Variants in DPP3 observed in about 807,000 individuals in gnomAD.
DPP3 encodes dipeptidyl peptidase 3.
Under a neutral mutation model 89.8 loss-of-function variants are expected in DPP3, and 64 were observed. The observed-to-expected ratio is 0.71, with a 90% CI of 0.58 to 0.88. The LOEUF is 0.88. Among genes scored for constraint, DPP3 ranks in the 40% least tolerant of loss-of-function variants. DPP3 has a pLI of 0.00. For missense variants in DPP3, 835 were observed against 972.5 expected (o/e 0.86, Z 1.88); for synonymous variants, 377 against 404.3 (o/e 0.93, Z 0.81).
chr11:66,509,656 C>T lies in DPP3; in HGVS notation c.*405C>T. 2.1e-6 allele frequency: 1 copy of T among 468,984 alleles called. No homozygotes were observed. Among genetic ancestry groups the T allele is most frequent in the Admixed American group, 2.9e-5 (1 of 34,858 alleles). The allele number at this position is 468,984 out of a possible 1,614,324, so 29.1% of individuals were successfully genotyped here. A position where few individuals can be genotyped will look rare whatever the true frequency, so the allele number is the denominator to read the frequency against. The stretch of plus-strand genomic sequence containing the variant: ...ACAAATAAATATTAGAGACAACCAC[C>T]ATCTTTGCGGCGTGTGTGGCTCCTC... On this transcript the variant is annotated 3_prime_UTR_variant, in exon 18 of 18. Coordinates refer to ENST00000531863, the MANE Select transcript of DPP3 (RefSeq NM_130443.4).
At chr11:66,506,231 C>T (rs1007703365) in intron 17 of DPP3, among the ~76,000 whole-genome samples, 4 of 151,684 alleles carry the variant, frequency 2.6e-5, no homozygotes, top group East Asian at 3.9e-4. Flanking sequence ...GGATTACAGG[C>T]GTGAGCCACC....
At chr11:66,499,315 A>C (rs1438910569) in intron 16 of DPP3, among the ~76,000 whole-genome samples, 4 of 150,648 alleles carry the variant, frequency 2.7e-5, no homozygotes, top group African/African-American at 9.8e-5. Flanking sequence ...GTGAGCCGAG[A>C]TTGCGCCACT....
In DPP3 at chr11:66,495,743, G is replaced by A. The variant is rs1410691733; in HGVS notation, c.1691G>A (p.Trp564Ter). Residue 564 changes from tryptophan (W) to a stop codon, truncating the protein, a stop_gained, in exon 15 of 18, where the codon TGG becomes TAG. Coordinates refer to ENST00000531863, the MANE Select transcript of DPP3 (RefSeq NM_130443.4). LOFTEE classifies it high-confidence loss of function. ...TTCTACACACCTGAGGCCTTCAACT[G>A]GCGACAGGTAGGGCCTAGGTGGAGC... ...LEFYTPEAFNWRQAHMQARFV... is the reference protein window; with the variant it reads ...LEFYTPEAFN 1 of 1,607,938 alleles carries A rather than the reference G, an allele frequency of 6.2e-7. No individual in the cohort carries two copies. The highest frequency in any genetic ancestry group is 1.3e-5 in the African/African-American group (1 of 74,934).
At chr11:66,508,585 C>A (rs1203701653) in intron 17 of DPP3, among the ~76,000 whole-genome samples, 1 of 152,116 alleles carries the variant, frequency 6.6e-6, no homozygotes, top group Non-Finnish European at 1.5e-5. Flanking sequence ...TGCAGTGGCA[C>A]GATCTCTGCT....
chr11:66,482,448 G>C lies in DPP3; in HGVS notation c.248G>C (p.Gly83Ala). 6.2e-7 allele frequency: 1 copy of C among 1,606,532 alleles called. No individual in the cohort carries two copies. The highest frequency in any genetic ancestry group is 1.1e-5 in the South Asian group (1 of 91,072). ...DQLRQHALAE[G>A]LTEEEYQAFL... ...CTGCGCCAACATGCCCTGGCTGAAGGCCTTACCGAGGAGGAGTATCAGGTC... is the reference window on the plus strand; with the variant it reads ...CTGCGCCAACATGCCCTGGCTGAAGCCCTTACCGAGGAGGAGTATCAGGTC... Residue 83 changes from glycine to alanine, a missense_variant, in exon 2 of 18, where the codon GGC (glycine) becomes GCC (alanine). By Grantham distance (60) the Gly-to-Ala change is moderately conservative. Transcript: ENST00000531863.
chr11:66,492,805 C>T lies in DPP3; in HGVS notation c.1078C>T (p.Pro360Ser). 1 of 1,614,030 alleles carries T rather than the reference C, an allele frequency of 6.2e-7. No individual in the cohort carries two copies. The highest frequency in any genetic ancestry group is 8.5e-7 in the Non-Finnish European group (1 of 1,179,976). The change falls in exon 10 of 18, where the codon CCC becomes TCC. Residue 360 changes from proline to serine, a missense_variant. By Grantham distance (74) the Pro-to-Ser change is moderately conservative. Coordinates refer to ENST00000531863, the MANE Select transcript of DPP3 (RefSeq NM_130443.4). ...AEQLLKELPW[P>S]PTFEKDKFLT... ...GCAGCTGCTGAAGGAGCTGCCCTGG[C>T]CCCCAACCTTTGAGAAGGACAAGTT...
At chr11:66,490,862 C>T (rs1159446768) in intron 6 of DPP3, among the ~76,000 whole-genome samples, 2 of 151,372 alleles carry the variant, frequency 1.3e-5, no homozygotes, top group Non-Finnish European at 2.9e-5. Context: ...CACTGTCTCC[C>T]GGGTTCAAGC....
At chr11:66,489,706 G>A (rs368965203) in intron 6 of DPP3, among the ~76,000 whole-genome samples, 2 of 152,206 alleles carry the variant, frequency 1.3e-5, no homozygotes, top group East Asian at 1.9e-4. Context: ...ACAGCCGGTC[G>A]CTGGGTGACC....
At position 66,492,760 on chromosome 11, in the gene DPP3, C is replaced by T. The variant is rs766932456; in HGVS notation, c.1033C>T (p.Arg345Trp). 4.3e-6 allele frequency: 7 copies of T among 1,610,752 alleles called. No individual in the cohort carries two copies. The highest frequency in any genetic ancestry group is 2.2e-5 in the East Asian group (1 of 44,862). ...VNKAMSAKFERLVASAEQLLK... is the reference protein window; with the variant it reads ...VNKAMSAKFEWLVASAEQLLK... ...CAAGGCCATGAGTGCCAAGTTTGAG[C>T]GGCTGGTGGCGAGCGCAGAGCAGCT... The change falls in exon 10 of 18, where the codon CGG (arginine) becomes TGG (tryptophan). Residue 345 changes from arginine to tryptophan, a missense_variant. Transcript: ENST00000531863.
intron 16 of DPP3, among the ~76,000 whole-genome samples, chr11:66,503,488 G>T (rs1263511758): frequency 1.3e-5 from 2 of 152,174 alleles, no homozygotes; most frequent in South Asian, 2.1e-4. Flanking sequence ...CTTGTCCAAG[G>T]TTACACTGCC....
At chr11:66,502,016 C>A (rs1180670848) in intron 16 of DPP3, among the ~76,000 whole-genome samples, 1 of 151,312 alleles carries the variant, frequency 6.6e-6, no homozygotes, top group Non-Finnish European at 1.5e-5. Context: ...GCCAACATGG[C>A]GGCCCGTCTC....
intron 3 of DPP3, among the ~76,000 whole-genome samples, chr11:66,485,629 G>A (rs1018780680): frequency 2.0e-5 from 3 of 152,310 alleles, no homozygotes; most frequent in Non-Finnish European, 4.4e-5. Context: ...AGCCTATCTC[G>A]GGCAGAGGTG....
rs781237917 is a variant in DPP3 at position 66,493,595 on chromosome 11, G to A, written c.1351G>A (p.Glu451Lys). The stretch of plus-strand genomic sequence containing the variant: ...CTTCGATGTGCAGGTGGGCCTGCAC[G>A]AGCTGCTGGGCCATGGCAGTGGCAA... ...PSFDVQVGLHELLGHGSGKLF... is the reference protein window; with the variant it reads ...PSFDVQVGLHKLLGHGSGKLF... The change falls in exon 12 of 18, where the codon GAG becomes AAG. Residue 451 changes from glutamate (E) to lysine (K), a missense_variant. Glu to Lys is a moderately conservative substitution (Grantham distance 56). Transcript: ENST00000531863. 3.7e-6 allele frequency: 6 copies of A among 1,612,884 alleles called. No individual in the cohort carries two copies. The highest frequency in any genetic ancestry group is 2.7e-5 in the African/African-American group (2 of 74,904).
At chr11:66,487,173 A>C in intron 4 of DPP3, 95 bp from the exon 5 acceptor site, 1 of 1,246,308 alleles carries the variant, frequency 8.0e-7, no homozygotes, top group East Asian at 2.3e-5. Context: ...GAGGCTGCTG[A>C]AAGGAGGGAG....
chr11:66,502,220 G>A (rs985499916), intron 16 of DPP3, among the ~76,000 whole-genome samples: 1 of 152,024 alleles, frequency 6.6e-6, no homozygotes, highest in Non-Finnish European at 1.5e-5. Flanking sequence ...CAAGGATAGT[G>A]GTTTCCTTAG....
rs1165001122 is a variant in DPP3 at position 66,481,963 on chromosome 11, A to G, written c.-8-230A>G. On this transcript the variant is annotated intron_variant, in intron 1 of 17. Transcript: ENST00000531863. ...ATGCCTGACCTTAGAGTCAATCTTT[A>G]AGGTTTAGGGACTACAGACCAAATA... is the stretch of plus-strand genomic sequence containing the variant. 7 of 597,972 alleles carry G rather than the reference A, an allele frequency of 1.2e-5. 1 individual carries two copies. The highest frequency in any genetic ancestry group is 4.6e-4 in the Middle Eastern group (1 of 2,178). 37.0% of individuals were successfully genotyped at this position (597,972 alleles called of 1,614,324 possible).
intron 6 of DPP3, among the ~76,000 whole-genome samples, chr11:66,490,951 T>G (rs1855366570): frequency 6.6e-6 from 1 of 151,922 alleles, no homozygotes; most frequent in Non-Finnish European, 1.5e-5. Context: ...GTATTTTGAG[T>G]AGAGACAGGG....
In DPP3 at chr11:66,487,354, G is replaced by A. The variant is rs575109777; in HGVS notation, c.573+12G>A. On this transcript the variant is annotated intron_variant, in intron 5 of 17. Transcript: ENST00000531863. ...TTCTGGACTCACAGGTTTGGGGTTA[G>A]GGGAGCTCAAGGTAGCAGAGGTTTG... is the stretch of plus-strand genomic sequence containing the variant. 1.2e-6 allele frequency: 2 copies of A among 1,613,788 alleles called. No individual in the cohort carries two copies. Among genetic ancestry groups the A allele is most frequent in the South Asian group, 2.2e-5 (2 of 91,080 alleles).
In DPP3 at chr11:66,509,143, G is replaced by A; in HGVS notation, c.2106G>A (p.Glu702=). 1.2e-6 allele frequency: 2 copies of A among 1,614,166 alleles called. No homozygotes were observed. The highest frequency in any genetic ancestry group is 1.7e-6 in the Non-Finnish European group (2 of 1,180,038). The change falls in exon 18 of 18, where the codon GAG becomes GAA. Residue 702 remains glutamate, a synonymous_variant. Coordinates refer to ENST00000531863, the MANE Select transcript of DPP3 (RefSeq NM_130443.4). ...SAAGLIRSFS[E]RFPEDGPELE... ...CTGGCCTCATCCGATCCTTCTCTGA[G>A]CGTTTCCCAGAGGATGGACCCGAGT... is the stretch of plus-strand genomic sequence containing the variant.
Sources: gnomAD v4.1 joint callset for allele counts (sites outside exome capture counted in the v4.1 genomes callset) on GRCh38, gnomAD v4.1.1 for gene constraint, MANE v1.5 for transcripts, NCBI Gene and HGNC (gene_info 2026-07-23, HGNC 2026-07-21) for gene names.